The following SCD5 variants were observed in gnomAD, a reference collection of about 807,000 sequenced individuals.
SCD5 encodes the protein acyl-CoA-desaturase 4.
SCD5 carries 20 observed loss-of-function variants against 30.4 expected under a neutral mutation model. The ratio of observed to expected loss-of-function variants is 0.66; its 90% CI spans 0.46 to 0.96. The LOEUF is 0.96. Ranked by LOEUF, SCD5 falls within the 40% of genes least tolerant of loss-of-function variation. The pLI, the probability that SCD5 is intolerant of heterozygous loss-of-function variation, is 0.00. For missense variants in SCD5, 381 were observed against 443.3 expected, an observed-to-expected ratio of 0.86 and a Z score of 1.26; for synonymous variants, 173 against 176.4, an observed-to-expected ratio of 0.98 and a Z score of 0.16.
intron 1 of SCD5, among the ~76,000 whole-genome samples, chr4:82,730,063 C>T (rs113470956): frequency 8.0e-4 from 122 of 151,990 alleles, no homozygotes; most frequent in African/African-American, 2.7e-3. Flanking sequence ...CTCTGAGTGC[C>T]CCCATGTGTA....
intron 2 of SCD5, among the ~76,000 whole-genome samples, chr4:82,689,088 T>C (rs1393242205): frequency 1.3e-5 from 2 of 152,166 alleles, no homozygotes; most frequent in African/African-American, 4.8e-5. Flanking sequence ...GATAACCCAA[T>C]AGCAATGAAC....
intron 1 of SCD5, among the ~76,000 whole-genome samples, chr4:82,719,793 G>A (rs137868948): frequency 0.02 from 3,033 of 149,550 alleles, 50 homozygotes; most frequent in South Asian, 0.038. Context: ...ATGAGCCACC[G>A]CGCCCGGCCA....
chr4:82,771,180 A>C (rs1721613415), intron 1 of SCD5, among the ~76,000 whole-genome samples: 1 of 151,970 alleles, frequency 6.6e-6, no homozygotes, highest in Non-Finnish European at 1.5e-5. Context: ...TATTGCCCAG[A>C]CTGGTCTCAT....
At chr4:82,658,251 T>A (rs1005214092) in intron 3 of SCD5, among the ~76,000 whole-genome samples, 1 of 152,162 alleles carries the variant, frequency 6.6e-6, no homozygotes, top group Non-Finnish European at 1.5e-5. Context: ...TAGCTGTTAT[T>A]ATTTTGAAAT....
In SCD5 at chr4:82,631,125, CA is replaced by C. The variant is rs35490627; in HGVS notation, c.*201del. 6.2e-3 allele frequency: 2,570 copies of C among 412,474 alleles called. No individual in the cohort carries two copies. Among genetic ancestry groups the C allele is most frequent in the South Asian group, 0.01 (227 of 22,296 alleles). 25.6% of individuals were successfully genotyped at this position (412,474 alleles called of 1,614,324 possible). A position where few individuals can be genotyped will look rare whatever the true frequency, so the allele number is the denominator to read the frequency against. On this transcript the variant is annotated 3_prime_UTR_variant, in exon 5 of 5. Transcript: ENST00000319540. Reference sequence around the variant, plus strand: ...GACTCTGTCTCAAAAACAAAACAAACAAAAAAAAAAACGAAAGTTTTTTCAT... The same window carrying C: ...GACTCTGTCTCAAAAACAAAACAAACAAAAAAAAAACGAAAGTTTTTTCAT...
At chr4:82,697,222 T>C (rs1166523555) in intron 2 of SCD5, among the ~76,000 whole-genome samples, 1 of 152,248 alleles carries the variant, frequency 6.6e-6, no homozygotes, top group African/African-American at 2.4e-5. Flanking sequence ...AGTGTCTTTC[T>C]TCCAATACAG....
intron 1 of SCD5, among the ~76,000 whole-genome samples, chr4:82,725,812 A>G (rs1190415158): frequency 6.6e-6 from 1 of 152,160 alleles, no homozygotes; most frequent in Non-Finnish European, 1.5e-5. Context: ...GTGAGCCGAG[A>G]CCATGCCACT....
At chr4:82,739,693 G>T (rs1476108545) in intron 1 of SCD5, among the ~76,000 whole-genome samples, 1 of 152,232 alleles carries the variant, frequency 6.6e-6, no homozygotes, top group Non-Finnish European at 1.5e-5. Flanking sequence ...AGGACAAGAG[G>T]ATTACAGGGT....
intron 1 of SCD5, among the ~76,000 whole-genome samples, chr4:82,743,769 C>A (rs77472187): frequency 6.6e-6 from 1 of 151,872 alleles, no homozygotes; most frequent in Non-Finnish European, 1.5e-5. Context: ...CAATCCCCCC[C>A]GCCTTGGTCT....
At chr4:82,734,505 A>G (rs577478471) in intron 1 of SCD5, among the ~76,000 whole-genome samples, 1 of 152,346 alleles carries the variant, frequency 6.6e-6, no homozygotes, top group Non-Finnish European at 1.5e-5. Flanking sequence ...AGATCTGCAC[A>G]GCTGTGAGAA....
intron 1 of SCD5, among the ~76,000 whole-genome samples, chr4:82,747,100 T>G (rs1402639142): frequency 7.2e-6 from 1 of 139,620 alleles, no homozygotes; most frequent in Non-Finnish European, 1.6e-5. Context: ...TCCCACTCCA[T>G]CCCCTGCTTC....
Position 82,670,797 on chromosome 4 carries a change from C to A in SCD5, c.569+9910G>T, listed in dbSNP as rs889979690. Among the ~76,000 whole-genome samples, 3 of 151,470 alleles carry A rather than the reference C, an allele frequency of 2.0e-5. No individual in the cohort carries two copies. In the East Asian group the frequency reaches 5.8e-4, roughly 29 times the overall value. On this transcript the variant is annotated intron_variant, in intron 3 of 4. Coordinates refer to ENST00000319540, the MANE Select transcript of SCD5 (RefSeq NM_001037582.3). ...CCATATCAATTGACATGGCAAATAT[C>A]AATTCCATATCAATTGATATGGCAA...
chr4:82,720,441 T>TAAAAAAAAAAAAAAA (rs1553917690), intron 1 of SCD5, among the ~76,000 whole-genome samples: 2 of 77,934 alleles, frequency 2.6e-5, no homozygotes, highest in Non-Finnish European at 4.7e-5. Context: ...AAGGCAAAAA[T>TAAAAAAAAAAAAAAA]AAAAAAAAAA....
chr4:82,708,372 A>G (rs553252758), intron 1 of SCD5, among the ~76,000 whole-genome samples: 1 of 152,140 alleles, frequency 6.6e-6, no homozygotes, highest in Non-Finnish European at 1.5e-5. Context: ...AAAACCAACC[A>G]TTGGCCTAGG....
chr4:82,762,249 C>T (rs1057333499), intron 1 of SCD5, among the ~76,000 whole-genome samples: 4 of 22,848 alleles, frequency 1.8e-4, no homozygotes, highest in African/African-American at 8.4e-4. Context: ...AGACCTTACA[C>T]TCAAGGGGCT....
At chr4:82,665,604 C>T (rs1237415475) in intron 3 of SCD5, among the ~76,000 whole-genome samples, 4 of 151,808 alleles carry the variant, frequency 2.6e-5, no homozygotes, top group Non-Finnish European at 5.9e-5. Context: ...GGTAAAAATA[C>T]CTTTAAAAAA....
intron 1 of SCD5, among the ~76,000 whole-genome samples, chr4:82,780,529 G>C (rs1721844849): frequency 6.6e-6 from 1 of 152,186 alleles, no homozygotes; most frequent in South Asian, 2.1e-4. Context: ...GTGCAGAAAA[G>C]CACATCCCAA....
Position 82,700,563 on chromosome 4 carries a change from G to A in SCD5, c.363+4720C>T, listed in dbSNP as rs543804644. Among the ~76,000 whole-genome samples the A allele has an allele frequency of 2.0e-4, 31 of 152,008 alleles. 1 individual carries two copies. The highest frequency in any genetic ancestry group is 3.5e-4 in the Non-Finnish European group (24 of 67,942). ...AATAAAATATTTAAGTGTTGAAAGAGAAAAATCCACCCACCTAGAATTCTG... is the reference window on the plus strand; with the variant it reads ...AATAAAATATTTAAGTGTTGAAAGAAAAAAATCCACCCACCTAGAATTCTG... On this transcript the variant is annotated intron_variant, in intron 2 of 4. Transcript: ENST00000319540.
intron 1 of SCD5, among the ~76,000 whole-genome samples, chr4:82,733,902 T>C (rs1178627395): frequency 4.6e-5 from 7 of 152,192 alleles, no homozygotes; most frequent in Non-Finnish European, 1.0e-4. Flanking sequence ...TCAGGTGTCC[T>C]TGCTGCTGCA....
Sources: gnomAD v4.1 joint callset for allele counts (sites outside exome capture counted in the v4.1 genomes callset) on GRCh38, gnomAD v4.1.1 for gene constraint, MANE v1.5 for transcripts, NCBI Gene and HGNC (gene_info 2026-07-23, HGNC 2026-07-21) for gene names.